NARS2: variants seen among roughly 807,000 people sequenced by gnomAD.
NARS2 encodes asparaginyl-tRNA synthetase 2, mitochondrial, also known as asparaginyl-tRNA synthetase.
Under a neutral mutation model 62.9 loss-of-function variants are expected in NARS2, and 60 were observed. The observed-to-expected ratio is 0.95, with a 90% CI of 0.77 to 1.18. The LOEUF (loss-of-function observed/expected upper bound fraction) is 1.18. NARS2 is among the 50% of genes most tolerant of loss of function. The probability of loss-of-function intolerance (pLI) is 0.00; values close to 1 mark genes in which losing one functional copy is unlikely to be tolerated. For missense variants in NARS2, 619 were observed against 576.4 expected (o/e 1.07, Z -0.76); for synonymous variants, 196 against 200.0 (o/e 0.98, Z 0.17).
chr11:78,509,197 G>A (rs964705261), intron 6 of NARS2, among the ~76,000 whole-genome samples: 1 of 151,668 alleles, frequency 6.6e-6, no homozygotes, highest in African/African-American at 2.4e-5. Context: ...CATTCAAAGT[G>A]CTAAAAGAAA....
intron 12 of NARS2, among the ~76,000 whole-genome samples, chr11:78,442,725 T>C (rs35375316): frequency 0.034 from 5,124 of 152,216 alleles, 140 homozygotes; most frequent in Non-Finnish European, 0.055. Flanking sequence ...AATGTATATG[T>C]AGGAGTGGCG....
chr11:78,518,592 A>G (rs1165782551), intron 6 of NARS2, among the ~76,000 whole-genome samples: 1 of 151,726 alleles, frequency 6.6e-6, no homozygotes, highest in Non-Finnish European at 1.5e-5. Flanking sequence ...ATCTCAGCCC[A>G]CTGCAAGCTC....
chr11:78,557,830 A>ATC (rs1392963351), intron 5 of NARS2, among the ~76,000 whole-genome samples: 1 of 146,356 alleles, frequency 6.8e-6, no homozygotes. Context: ...ATATATATAT[A>ATC]TCTCTCTTAT....
chr11:78,444,949 C>A (rs1017498070), intron 11 of NARS2, among the ~76,000 whole-genome samples: 1 of 152,008 alleles, frequency 6.6e-6, no homozygotes, highest in African/African-American at 2.4e-5. Context: ...AGGAACCTAT[C>A]CTAAGAAAAT....
In NARS2 at chr11:78,542,273, G is replaced by A. The variant is rs143930350; in HGVS notation, c.595-13337C>T. On this transcript the variant is annotated intron_variant, in intron 5 of 13. Transcript: ENST00000281038. ...GAGAAAGAATGAATCAAGAAAAGAC[G>A]CGTGGAGTCTAATATTAGAGGGTAA... 1.7e-3 allele frequency among the ~76,000 whole-genome samples: 253 copies of A among 152,298 alleles called. 1 individual carries two copies. The highest frequency in any genetic ancestry group is 5.3e-3 in the African/African-American group (222 of 41,550).
At chr11:78,569,336 A>G (rs1326613368) in intron 2 of NARS2, among the ~76,000 whole-genome samples, 1 of 152,126 alleles carries the variant, frequency 6.6e-6, no homozygotes, top group Non-Finnish European at 1.5e-5. Context: ...TCTTTTCTTT[A>G]AAGAGACCAG....
At chr11:78,479,848 T>G (rs1859271826) in intron 7 of NARS2, among the ~76,000 whole-genome samples, 2 of 152,222 alleles carry the variant, frequency 1.3e-5, no homozygotes, top group Non-Finnish European at 2.9e-5. Flanking sequence ...GGAAAACACT[T>G]AAATACCAGT....
intron 7 of NARS2, among the ~76,000 whole-genome samples, chr11:78,479,496 T>C (rs1365062793): frequency 1.3e-5 from 2 of 151,858 alleles, no homozygotes; most frequent in African/African-American, 4.8e-5. Flanking sequence ...GGTGACAGAG[T>C]GAGATCCTGT....
intron 11 of NARS2, among the ~76,000 whole-genome samples, chr11:78,452,751 T>A (rs1591134886): frequency 6.6e-6 from 1 of 152,186 alleles, no homozygotes; most frequent in East Asian, 1.9e-4. Flanking sequence ...ATAGGAACCC[T>A]CCAAATAATT....
chr11:78,465,895 T>G lies in NARS2; in HGVS notation c.1145A>C (p.Glu382Ala), dbSNP rs1422236872. ...TCTTACCGTGTGCTGAGGGCCATCTTCATTATCCCTCATGTAGAAAGGCTT... is the reference window on the plus strand; with the variant it reads ...TCTTACCGTGTGCTGAGGGCCATCTGCATTATCCCTCATGTAGAAAGGCTT... ...TLKPFYMRDN[E>A]DGPQHTVAAV... is the part of the protein sequence containing the mutation. Residue 382 changes from glutamate (E) to alanine (A), a missense_variant, in exon 11 of 14, where the codon GAA becomes GCA. Coordinates refer to ENST00000281038, the MANE Select transcript of NARS2 (RefSeq NM_024678.6). 8.7e-6 allele frequency: 14 copies of G among 1,614,046 alleles called. No homozygotes were observed. The East Asian group carries it at 1.6e-4, about 18-fold the overall frequency.
intron 6 of NARS2, 31 bp downstream of exon 6, chr11:78,528,811 T>C (rs746952752): frequency 2.5e-5 from 36 of 1,459,186 alleles, no homozygotes; most frequent in Non-Finnish European, 3.5e-5. Flanking sequence ...CCATAATATA[T>C]CAAAGCAAAA....
chr11:78,568,708 A>G lies in NARS2; in HGVS notation c.296T>C (p.Ile99Thr). The G allele has an allele frequency of 6.2e-7, 1 of 1,612,836 alleles. No homozygotes were observed. Among genetic ancestry groups the G allele is most frequent in the Non-Finnish European group, 8.5e-7 (1 of 1,179,146 alleles). ...GSSVEVQGQL[I>T]KSPSKRQNVE... ...ATTTTGCCTTTTGGATGGACTTTTT[A>G]TCAGCTGCCCTTGTACTTCCACAGA... The change falls in exon 3 of 14, where the codon ATA (isoleucine) becomes ACA (threonine). Residue 99 changes from isoleucine to threonine, a missense_variant. Coordinates refer to ENST00000281038, the MANE Select transcript of NARS2 (RefSeq NM_024678.6).
chr11:78,459,033 T>C (rs1387836464), intron 11 of NARS2, among the ~76,000 whole-genome samples: 1 of 152,056 alleles, frequency 6.6e-6, no homozygotes, highest in Non-Finnish European at 1.5e-5. Flanking sequence ...TTCTCCTGTC[T>C]CAGCCTCCCG....
chr11:78,454,487 C>A (rs768092980), intron 11 of NARS2, among the ~76,000 whole-genome samples: 1 of 152,128 alleles, frequency 6.6e-6, no homozygotes, highest in Non-Finnish European at 1.5e-5. Flanking sequence ...ATGCCTGTTC[C>A]CTCTTTGCCT....
chr11:78,531,910 G>C (rs556885128), intron 5 of NARS2, among the ~76,000 whole-genome samples: 2 of 152,252 alleles, frequency 1.3e-5, no homozygotes, highest in Admixed American at 1.3e-4. Context: ...TGGGCACAGG[G>C]TTTTCTTCTG....
intron 5 of NARS2, among the ~76,000 whole-genome samples, chr11:78,541,219 T>A (rs1855604561): frequency 6.6e-6 from 1 of 152,230 alleles, no homozygotes; most frequent in Non-Finnish European, 1.5e-5. Flanking sequence ...CTTAAAAATG[T>A]TAAATGTCAA....
Position 78,573,739 on chromosome 11 carries a change from G to A in NARS2, c.141+609C>T, listed in dbSNP as rs557589906. Among the ~76,000 whole-genome samples, 7 of 152,240 alleles carry A rather than the reference G, an allele frequency of 4.6e-5. No homozygotes were observed. In the South Asian group the frequency reaches 1.5e-3, roughly 32 times the overall value. ...ACCTCATTTAATTTTCAGGACTCAG[G>A]GACAATTATTATCTCTTTCCATAAG... On this transcript the variant is annotated intron_variant, in intron 1 of 13. Transcript: ENST00000281038.
chr11:78,561,911 A>G (rs1856569346), intron 4 of NARS2, among the ~76,000 whole-genome samples: 2 of 152,118 alleles, frequency 1.3e-5, no homozygotes, highest in Admixed American at 6.5e-5. Context: ...AAATACAAAA[A>G]TTAGCCCGGT....
At chr11:78,484,439 A>G (rs1280037937) in intron 7 of NARS2, among the ~76,000 whole-genome samples, 1 of 152,190 alleles carries the variant, frequency 6.6e-6, no homozygotes, top group African/African-American at 2.4e-5. Context: ...AACTACCACC[A>G]GAGTAAAGAG....
Sources: gnomAD v4.1 joint callset for allele counts (sites outside exome capture counted in the v4.1 genomes callset) on GRCh38, gnomAD v4.1.1 for gene constraint, MANE v1.5 for transcripts, NCBI Gene and HGNC (gene_info 2026-07-23, HGNC 2026-07-21) for gene names.